Variants in ERAP1 observed in about 807,000 individuals in gnomAD.
The protein encoded by ERAP1 is endoplasmic reticulum aminopeptidase 1, also known as adipocyte-derived leucine aminopeptidase.
ERAP1 carries 86 observed loss-of-function variants against 103.7 expected under a neutral mutation model. That is an observed-to-expected ratio of 0.83 (90% CI 0.70 to 0.99). The LOEUF (loss-of-function observed/expected upper bound fraction) is 0.99. ERAP1 is among the 50% of genes least tolerant of loss of function. ERAP1 has a pLI of 0.00. For synonymous variants in ERAP1, 398 were observed against 402.4 expected, an observed-to-expected ratio of 0.99 and a Z score of 0.13; for missense variants, 1,009 against 1,128.4, an observed-to-expected ratio of 0.89 and a Z score of 1.52.
chr5:96,901,954 G>A, the ERAP1 span, among the ~76,000 whole-genome samples: 1 of 152,348 alleles, frequency 6.6e-6, no homozygotes, highest in Non-Finnish European at 1.5e-5. Flanking sequence ...TTTTGAAAAT[G>A]TGAAAGGAAT....
chr5:96,868,236 T>G, the ERAP1 span, among the ~76,000 whole-genome samples: 1 of 152,188 alleles, frequency 6.6e-6, no homozygotes, highest in East Asian at 1.9e-4. Context: ...TTCTATGACC[T>G]GCTGCATATT....
chr5:96,886,635 A>C, the ERAP1 span: 1 of 1,489,430 alleles, frequency 6.7e-7, no homozygotes. Context: ...AGTACTGATT[A>C]TTCCTTTTCC....
the ERAP1 span, chr5:96,879,455 A>G: frequency 6.6e-6 from 3 of 453,364 alleles, no homozygotes; most frequent in Non-Finnish European, 1.2e-5. Flanking sequence ...CCTAATTCTG[A>G]CAGAGAGCAG....
chr5:96,918,336 G>A, the ERAP1 span: 2 of 152,074 alleles, frequency 1.3e-5, no homozygotes, highest in African/African-American at 4.8e-5. Context: ...CCAGTTTTAC[G>A]TCCAAGGAAA....
chr5:96,919,958 A>G, the ERAP1 span, among the ~76,000 whole-genome samples: 1 of 152,232 alleles, frequency 6.6e-6, no homozygotes, highest in Non-Finnish European at 1.5e-5. Flanking sequence ...GAAATCTTTC[A>G]GATTATGAAA....
chr5:96,839,914 C>T, the ERAP1 span, among the ~76,000 whole-genome samples: 1 of 152,172 alleles, frequency 6.6e-6, no homozygotes, highest in Non-Finnish European at 1.5e-5. Context: ...CTCTGTTCTT[C>T]CTGTTGTACA....
At chr5:96,836,159 G>A in the ERAP1 span, among the ~76,000 whole-genome samples, 22 of 141,914 alleles carry the variant, frequency 1.6e-4, no homozygotes, top group Non-Finnish European at 3.1e-4. Flanking sequence ...ACATTTCAGG[G>A]ATTTTCCACC....
chr5:96,913,706 G>A, the ERAP1 span, among the ~76,000 whole-genome samples: 1 of 152,192 alleles, frequency 6.6e-6, no homozygotes, highest in Non-Finnish European at 1.5e-5. Context: ...CTGGCATCAA[G>A]TCCGAGTTGA....
the ERAP1 span, among the ~76,000 whole-genome samples, chr5:96,906,316 C>A: frequency 6.6e-6 from 1 of 152,020 alleles, no homozygotes; most frequent in Admixed American, 6.6e-5. Context: ...ACTCAGGCTG[C>A]AGTGCAGTGG....
At chr5:96,763,356 G>A in intron 19 of ERAP1, 2 of 708,842 alleles carry the variant, frequency 2.8e-6, no homozygotes, top group Non-Finnish European at 5.3e-6. Context: ...GTGTGTGTAT[G>A]TGCATGTGCA....
chr5:96,881,595 A>G, the ERAP1 span: 1 of 427,318 alleles, frequency 2.3e-6, no homozygotes, highest in African/African-American at 2.0e-5. Context: ...TTCTCATGCA[A>G]CAAGAAGTCC....
In ERAP1 at chr5:96,776,313, A is replaced by G; in HGVS notation, c.*83T>C. 1.3e-6 allele frequency: 2 copies of G among 1,551,798 alleles called. No homozygotes were observed. Among genetic ancestry groups the G allele is most frequent in the Non-Finnish European group, 1.7e-6 (2 of 1,151,592 alleles). On this transcript the variant is annotated 3_prime_UTR_variant, in exon 19 of 19. Transcript: ENST00000443439. ...GAAAAAAGTATCTCCAGTTGGAGCC[A>G]AAACAGCCATCTCTAGTTTGAAAAT...
chr5:96,914,148 T>TCACACACACACACACACACACACACA, the ERAP1 span, among the ~76,000 whole-genome samples: 85 of 148,076 alleles, frequency 5.7e-4, no homozygotes, highest in African/African-American at 1.9e-3. Flanking sequence ...TCTCTCTCTC[T>TCACACACACACACACACACACACACA]CACACACACA....
At chr5:96,773,653 A>G (rs1773244086), downstream of ERAP1, 1 of 152,212 alleles carries the variant, frequency 6.6e-6, no homozygotes, top group South Asian at 2.1e-4. Flanking sequence ...GCAATGTAAG[A>G]AGTAGGCTCT....
rs1418925611 is a variant in ERAP1 at position 96,785,802 on chromosome 5, T to C, written c.1929A>G (p.Ala643=). The part of the protein sequence containing the change: ...SNDRASLINN[A]FQLVSIGKLS... ...GCGTGTATTACCTGACGAGCTGAAA[T>C]GCATTGTTAATGAGACTCGCCCGAT... Residue 643 remains alanine, a synonymous_variant, in exon 13 of 19, where the codon GCA becomes GCG. Coordinates refer to ENST00000443439, the MANE Select transcript of ERAP1 (RefSeq NM_001040458.3). 2 of 1,614,100 alleles carry C rather than the reference T, an allele frequency of 1.2e-6. No homozygotes were observed. Among genetic ancestry groups the C allele is most frequent in the East Asian group, 2.2e-5 (1 of 44,880 alleles).
At chr5:96,927,230 AT>A in the ERAP1 span, among the ~76,000 whole-genome samples, 1 of 152,168 alleles carries the variant, frequency 6.6e-6, no homozygotes, top group East Asian at 1.9e-4. Context: ...GAGCTGCCAG[AT>A]TGTTTTTGAA....
the ERAP1 span, among the ~76,000 whole-genome samples, chr5:96,852,184 A>G: frequency 6.6e-6 from 1 of 152,236 alleles, no homozygotes; most frequent in Non-Finnish European, 1.5e-5. Context: ...TTTAAATGTT[A>G]TTATTAAAAA....
chr5:96,912,929 T>G, the ERAP1 span: 1 of 711,256 alleles, frequency 1.4e-6, no homozygotes. Context: ...TTAACTTTAC[T>G]TTCAGAAAAG....
At chr5:96,844,888 A>T in the ERAP1 span, among the ~76,000 whole-genome samples, 1 of 152,150 alleles carries the variant, frequency 6.6e-6, no homozygotes. Flanking sequence ...ATCATCTTAG[A>T]TTCTTTAAAG....
Sources: gnomAD v4.1 joint callset for allele counts (sites outside exome capture counted in the v4.1 genomes callset) on GRCh38, gnomAD v4.1.1 for gene constraint, MANE v1.5 for transcripts, NCBI Gene and HGNC (gene_info 2026-07-23, HGNC 2026-07-21) for gene names.